The following CHCHD3 variants were observed in gnomAD, a reference collection of about 807,000 sequenced individuals.
The protein encoded by CHCHD3 is coiled-coil-helix-coiled-coil-helix domain containing 3, also known as MICOS complex subunit MIC19.
In CHCHD3, 20 loss-of-function variants were observed where a neutral mutation model predicts 38.2. The observed-to-expected ratio is 0.52, with a 90% CI of 0.37 to 0.76. The LOEUF is 0.76. Ranked by LOEUF, CHCHD3 falls within the 30% of genes least tolerant of loss-of-function variation. CHCHD3 has a pLI of 0.00. For synonymous variants in CHCHD3, 82 were observed against 100.0 expected (o/e 0.82, Z 1.07); for missense variants, 245 against 279.2 (o/e 0.88, Z 0.87).
chr7:132,933,328 A>G (rs1810559491), intron 4 of CHCHD3, among the ~76,000 whole-genome samples: 1 of 152,186 alleles, frequency 6.6e-6, no homozygotes, highest in Admixed American at 6.5e-5. Context: ...AGAAGGGGCC[A>G]CGTGATTTCT....
At chr7:133,051,052 T>C (rs1021819632) in intron 2 of CHCHD3, among the ~76,000 whole-genome samples, 7 of 152,100 alleles carry the variant, frequency 4.6e-5, no homozygotes, top group African/African-American at 1.7e-4. Flanking sequence ...ACTGGCATCT[T>C]AAATGCAATA....
chr7:132,878,600 C>G (rs1212716058), intron 5 of CHCHD3, among the ~76,000 whole-genome samples: 1 of 152,174 alleles, frequency 6.6e-6, no homozygotes, highest in Non-Finnish European at 1.5e-5. Flanking sequence ...CCCAGCTTAT[C>G]TAATTCTCTC....
At chr7:132,861,270 C>T (rs903232188) in intron 5 of CHCHD3, among the ~76,000 whole-genome samples, 9 of 152,276 alleles carry the variant, frequency 5.9e-5, no homozygotes, top group South Asian at 2.1e-4. Context: ...CACTCAGGAC[C>T]GCTACCTCTG....
intron 2 of CHCHD3, among the ~76,000 whole-genome samples, chr7:133,051,002 C>T (rs1364107064): frequency 1.3e-5 from 2 of 152,200 alleles, no homozygotes; most frequent in East Asian, 3.9e-4. Context: ...GGTGACAGAG[C>T]AAGACTCCAT....
Position 132,822,820 on chromosome 7 carries a change from AAAAACAAAAC to A in CHCHD3, c.524+15569_524+15578del, listed in dbSNP as rs367839827. Among the ~76,000 whole-genome samples the A allele has an allele frequency of 1.9e-3, 287 of 150,696 alleles. 3 individuals are homozygous for A. The highest frequency in any genetic ancestry group is 5.7e-3 in the African/African-American group (235 of 40,884). ...ATCCGCCCCCACCGCGCCCCCCACC[AAAAACAAAAC>A]AAAACAAAACAAAACAAAACAAAAA... On this transcript the variant is annotated intron_variant, in intron 6 of 7. Transcript: ENST00000262570.
In CHCHD3 at chr7:132,842,100, G is replaced by GA. The variant is rs561319696; in HGVS notation, c.454-3632dup. Among the ~76,000 whole-genome samples, 125 of 148,780 alleles carry GA rather than the reference G, an allele frequency of 8.4e-4. 1 individual carries two copies. Among genetic ancestry groups the GA allele is most frequent in the African/African-American group, 2.9e-3 (116 of 40,502 alleles). ...GCGACAGAGCAAGACTCCATCTCGAGAAAAAAAAAAATTTTTTTTAATATT... is the reference window on the plus strand; with the variant it reads ...GCGACAGAGCAAGACTCCATCTCGAGAAAAAAAAAAAATTTTTTTTAATATT... On this transcript the variant is annotated intron_variant, in intron 5 of 7. Transcript: ENST00000262570.
chr7:133,060,391 C>T (rs1415628020), intron 2 of CHCHD3, among the ~76,000 whole-genome samples: 1 of 152,124 alleles, frequency 6.6e-6, no homozygotes, highest in Admixed American at 6.5e-5. Flanking sequence ...AACCACGTGA[C>T]GTGTGCTACG....
At chr7:132,963,694 T>TACACACACACACACACAC (rs71178068) in intron 4 of CHCHD3, among the ~76,000 whole-genome samples, 1,639 of 148,878 alleles carry the variant, frequency 0.011, 26 homozygotes, top group African/African-American at 0.035. Flanking sequence ...CAAACGATTA[T>TACACACACACACACACAC]ACACACACAC....
intron 3 of CHCHD3, among the ~76,000 whole-genome samples, chr7:133,022,175 A>G (rs1813196718): frequency 6.6e-6 from 1 of 152,210 alleles, no homozygotes; most frequent in African/African-American, 2.4e-5. Flanking sequence ...ATCACAATCG[A>G]AATTAATTAC....
chr7:132,890,847 T>A (rs1398636461), intron 4 of CHCHD3, among the ~76,000 whole-genome samples: 1 of 152,236 alleles, frequency 6.6e-6, no homozygotes, highest in Non-Finnish European at 1.5e-5. Context: ...TGAGAAAGAC[T>A]AATCTTTCAC....
intron 6 of CHCHD3, among the ~76,000 whole-genome samples, chr7:132,798,213 A>T (rs1214987270): frequency 6.6e-6 from 1 of 152,196 alleles, no homozygotes; most frequent in Non-Finnish European, 1.5e-5. Flanking sequence ...AGACATACAG[A>T]GAAAAAAAAA....
chr7:132,848,497 G>C (rs949255890), intron 5 of CHCHD3, among the ~76,000 whole-genome samples: 1 of 152,146 alleles, frequency 6.6e-6, no homozygotes, highest in African/African-American at 2.4e-5. Flanking sequence ...TGTTCAGAAG[G>C]AGTTCATGAC....
At chr7:132,950,799 C>T (rs1811019878) in intron 4 of CHCHD3, among the ~76,000 whole-genome samples, 1 of 152,088 alleles carries the variant, frequency 6.6e-6, no homozygotes, top group Non-Finnish European at 1.5e-5. Flanking sequence ...AAATTACATC[C>T]AAGGGAATGA....
chr7:132,911,485 C>T (rs1809950334), intron 4 of CHCHD3, among the ~76,000 whole-genome samples: 1 of 152,158 alleles, frequency 6.6e-6, no homozygotes, highest in East Asian at 1.9e-4. Flanking sequence ...GACAATGGAC[C>T]TATAAAAAGG....
At chr7:132,844,044 A>G (rs1471296140) in intron 5 of CHCHD3, among the ~76,000 whole-genome samples, 1 of 152,260 alleles carries the variant, frequency 6.6e-6, no homozygotes, top group Admixed American at 6.5e-5. Flanking sequence ...TCACGCCTGT[A>G]ATCCCAACAC....
chr7:132,892,979 TG>T (rs1406327101), intron 4 of CHCHD3, among the ~76,000 whole-genome samples: 1 of 152,074 alleles, frequency 6.6e-6, no homozygotes, highest in Non-Finnish European at 1.5e-5. Flanking sequence ...AGAAGGGAAA[TG>T]GGGGGTTGGA....
chr7:133,079,432 T>C (rs1477390748), intron 1 of CHCHD3, among the ~76,000 whole-genome samples: 1 of 152,188 alleles, frequency 6.6e-6, no homozygotes, highest in African/African-American at 2.4e-5. Flanking sequence ...CCAAGGCACA[T>C]GCTCTTTCCA....
intron 3 of CHCHD3, among the ~76,000 whole-genome samples, chr7:133,002,002 T>G (rs570731796): frequency 3.2e-4 from 49 of 152,084 alleles, no homozygotes; most frequent in Non-Finnish European, 5.3e-4. Flanking sequence ...GCATCTAGAG[T>G]TATCATTGTC....
At chr7:132,839,997 A>T (rs1807899639) in intron 5 of CHCHD3, among the ~76,000 whole-genome samples, 1 of 152,252 alleles carries the variant, frequency 6.6e-6, no homozygotes, top group Non-Finnish European at 1.5e-5. Context: ...TTCTGACATG[A>T]AGACAATATT....
Sources: allele counts gnomAD v4.1 joint callset (sites outside exome capture counted in the v4.1 genomes callset), GRCh38; gene constraint gnomAD v4.1.1; transcripts MANE v1.5; gene names NCBI Gene and HGNC (gene_info 2026-07-23, HGNC 2026-07-21).